HSPA2: variants seen among roughly 807,000 people sequenced by gnomAD.
HSPA2 encodes heat shock-related 70 kDa protein 2.
HSPA2 carries 13 observed loss-of-function variants against 35.0 expected under a neutral mutation model. The ratio of observed to expected loss-of-function variants is 0.37; its 90% CI spans 0.24 to 0.59. HSPA2 has a LOEUF of 0.59. Among genes scored for constraint, HSPA2 ranks in the 20% least tolerant of loss-of-function variants. The pLI, the probability that HSPA2 is intolerant of heterozygous loss-of-function variation, is 0.70. For missense variants in HSPA2, 565 were observed against 885.4 expected, an observed-to-expected ratio of 0.64 and a Z score of 4.59; for synonymous variants, 368 against 382.1, an observed-to-expected ratio of 0.96 and a Z score of 0.43.
Position 64,542,332 on chromosome 14 carries a change from G to A in HSPA2, c.1483G>A (p.Asp495Asn), listed in dbSNP as rs1251874092. ...TGGCATCCTTAACGTTACCGCCGCC[G>A]ACAAGAGCACCGGTAAGGAAAACAA... ...ANGILNVTAA[D>N]KSTGKENKIT... Residue 495 changes from aspartate (D) to asparagine (N), a missense_variant, in exon 1 of 1, where the codon GAC (aspartate) becomes AAC (asparagine). This residue lies in a region of HSPA2 where 234 missense variants were observed against 419.0 expected (regional missense o/e 0.56). Coordinates refer to ENST00000247207, the MANE Select transcript of HSPA2 (RefSeq NM_021979.4). This position sits in a 1 kb window ranked among gnomAD's most constrained non-coding sequence, Gnocchi z 5.7. 1.1e-5 allele frequency: 17 copies of A among 1,613,788 alleles called. No individual in the cohort carries two copies. The highest frequency in any genetic ancestry group is 1.4e-5 in the Non-Finnish European group (17 of 1,180,014).
chr14:64,540,552 GTC>G, upstream of HSPA2: 1 of 454,902 alleles, frequency 2.2e-6, no homozygotes, highest in Non-Finnish European at 3.9e-6. Flanking sequence ...CCGCCCCTCT[GTC>G]TCCTGGCGGG....
Position 64,542,933 on chromosome 14 carries a change from G to C in HSPA2, c.*164G>C. 1 of 1,216,824 alleles carries C rather than the reference G, an allele frequency of 8.2e-7. No individual in the cohort carries two copies. Among genetic ancestry groups the C allele is most frequent in the South Asian group, 1.7e-5 (1 of 59,854 alleles). 75.4% of individuals were successfully genotyped at this position (1,216,824 alleles called of 1,614,324 possible). On this transcript the variant is annotated 3_prime_UTR_variant, in exon 1 of 1. Transcript: ENST00000247207. This position sits in a 1 kb window ranked among gnomAD's most constrained non-coding sequence, Gnocchi z 5.7. ...GCAACAACTTAGTTTAATTATAAAA[G>C]TTCCAAAGTTTGTTTTTTAAAAACA...
At chr14:64,540,456 G>A, upstream of HSPA2, 1 of 251,212 alleles carries the variant, frequency 4.0e-6, no homozygotes, top group Non-Finnish European at 7.7e-6. Flanking sequence ...GGGAGCGCGC[G>A]CCTAACGCCA....
chr14:64,542,909 C>A lies in HSPA2; in HGVS notation c.*140C>A. ...GTATATGCAAATGAAAGGAGAGGTG[C>A]AACAACTTAGTTTAATTATAAAAGT... On this transcript the variant is annotated 3_prime_UTR_variant, in exon 1 of 1. Transcript: ENST00000247207. This position sits in a 1 kb window ranked among gnomAD's most constrained non-coding sequence, Gnocchi z 5.7. 7.7e-7 allele frequency: 1 copy of A among 1,298,710 alleles called. No homozygotes were observed. Among genetic ancestry groups the A allele is most frequent in the Non-Finnish European group, 1.0e-6 (1 of 964,888 alleles). The allele number at this position is 1,298,710 out of a possible 1,614,324, so 80.4% of individuals were successfully genotyped here. A position where few individuals can be genotyped will look rare whatever the true frequency, so the allele number is the denominator to read the frequency against.
chr14:64,536,963 C>G (rs2079984315), upstream of HSPA2, among the ~76,000 whole-genome samples: 1 of 152,140 alleles, frequency 6.6e-6, no homozygotes, highest in Non-Finnish European at 1.5e-5. Flanking sequence ...TTTGTAATAT[C>G]TGGGCACAGA....
At position 64,541,880 on chromosome 14, in the gene HSPA2, C is replaced by T. The variant is rs139125746; in HGVS notation, c.1031C>T (p.Thr344Ile). ...GAGATCGTGCTGGTGGGCGGCTCCACTCGTATCCCCAAGATCCAGAAGCTG... is the reference window on the plus strand; with the variant it reads ...GAGATCGTGCTGGTGGGCGGCTCCATTCGTATCCCCAAGATCCAGAAGCTG... Reference protein sequence around the residue: ...IQEIVLVGGSTRIPKIQKLLQ... With the variant: ...IQEIVLVGGSIRIPKIQKLLQ... Residue 344 changes from threonine to isoleucine, a missense_variant, in exon 1 of 1, where the codon ACT becomes ATT. This residue lies in a region of HSPA2 where 234 missense variants were observed against 419.0 expected (regional missense o/e 0.56). Transcript: ENST00000247207. 5.6e-6 allele frequency: 9 copies of T among 1,613,506 alleles called. No homozygotes were observed. The African/African-American group carries it at 1.2e-4, about 22-fold the overall frequency.
At chr14:64,539,348 G>A (rs988903319), upstream of HSPA2, among the ~76,000 whole-genome samples, 1 of 152,128 alleles carries the variant, frequency 6.6e-6, no homozygotes, top group African/African-American at 2.4e-5. Flanking sequence ...GTGTGCCAGG[G>A]TGACCGAGAC....
upstream of HSPA2, among the ~76,000 whole-genome samples, chr14:64,538,642 G>A (rs1194227615): frequency 6.6e-6 from 1 of 152,162 alleles, no homozygotes; most frequent in East Asian, 1.9e-4. Flanking sequence ...GTGTTCCCAT[G>A]GCGCTTTGCT....
upstream of HSPA2, chr14:64,540,716 A>C: frequency 2.2e-6 from 3 of 1,369,150 alleles, no homozygotes; most frequent in Non-Finnish European, 2.9e-6. Context: ...CGGCTATAAG[A>C]ACCGGGAACT....
Position 64,542,179 on chromosome 14 carries a change from C to G in HSPA2, c.1330C>G (p.Gln444Glu), listed in dbSNP as rs200634473. The change falls in exon 1 of 1, where the codon CAG becomes GAG. Residue 444 changes from glutamine (Q) to glutamate (E), a missense_variant. Gln to Glu is a conservative substitution (Grantham distance 29, BLOSUM62 2). This residue lies in a region of HSPA2 where 234 missense variants were observed against 419.0 expected (regional missense o/e 0.56). Coordinates refer to ENST00000247207, the MANE Select transcript of HSPA2 (RefSeq NM_021979.4). This position sits in a 1 kb window ranked among gnomAD's most constrained non-coding sequence, Gnocchi z 5.7. ...GGACAACCAGAGCAGCGTACTGGTG[C>G]AGGTATACGAGGGCGAACGGGCCAT... ...YSDNQSSVLVQVYEGERAMTK... is the reference protein window; with the variant it reads ...YSDNQSSVLVEVYEGERAMTK... 6.2e-7 allele frequency: 1 copy of G among 1,613,870 alleles called. No homozygotes were observed. The highest frequency in any genetic ancestry group is 8.5e-7 in the Non-Finnish European group (1 of 1,180,034).
upstream of HSPA2, among the ~76,000 whole-genome samples, chr14:64,536,311 C>T (rs2079980546): frequency 1.3e-5 from 2 of 152,242 alleles, no homozygotes; most frequent in South Asian, 4.1e-4. Flanking sequence ...TATGCATGTA[C>T]TATAATTTAG....
rs752280091 is a variant in HSPA2, at chr14:64,542,058, G to A, written c.1209G>A (p.Ser403=). Residue 403 remains serine (S), a synonymous_variant, in exon 1 of 1, where the codon TCG becomes TCA. Transcript: ENST00000247207. This position sits in a 1 kb window ranked among gnomAD's most constrained non-coding sequence, Gnocchi z 5.7. ...DLLLLDVTPL[S]LGIETAGGVM... ...TGCTACTCGACGTGACCCCGTTGTC[G>A]CTGGGCATCGAGACAGCTGGCGGTG... is the stretch of plus-strand genomic sequence containing the variant. 1.5e-5 allele frequency: 25 copies of A among 1,613,666 alleles called. No homozygotes were observed. The South Asian group carries it at 2.5e-4, about 16-fold the overall frequency.
upstream of HSPA2, among the ~76,000 whole-genome samples, chr14:64,536,515 CTT>C (rs1476890738): frequency 1.3e-5 from 2 of 152,162 alleles, no homozygotes; most frequent in Admixed American, 6.5e-5. Flanking sequence ...AATCCCAGCA[CTT>C]TGGGAGGCTG....
At chr14:64,538,864 G>A (rs2080000352), upstream of HSPA2, among the ~76,000 whole-genome samples, 1 of 152,210 alleles carries the variant, frequency 6.6e-6, no homozygotes, top group Non-Finnish European at 1.5e-5. Flanking sequence ...TTGAGACGGA[G>A]TCTCGTTCTG....
upstream of HSPA2, among the ~76,000 whole-genome samples, chr14:64,539,806 C>G (rs1051679477): frequency 2.0e-5 from 3 of 152,172 alleles, no homozygotes; most frequent in African/African-American, 7.2e-5. Flanking sequence ...CTCAGCCTCC[C>G]GAGTAGCTGA....
At position 64,541,050 on chromosome 14, in the gene HSPA2, C is replaced by T. The variant is rs781100084; in HGVS notation, c.201C>T (p.Thr67=). The T allele has an allele frequency of 2.7e-5, 44 of 1,614,222 alleles. No individual in the cohort carries two copies. The highest frequency in any genetic ancestry group is 3.7e-5 in the Non-Finnish European group (44 of 1,180,046). Residue 67 remains threonine (T), a synonymous_variant, in exon 1 of 1, where the codon ACC becomes ACT. Coordinates refer to ENST00000247207, the MANE Select transcript of HSPA2 (RefSeq NM_021979.4). ...KNQVAMNPTN[T]IFDAKRLIGR... is the part of the protein sequence containing the mutation. ...AGGTGGCCATGAACCCCACCAACAC[C>T]ATCTTCGACGCCAAGAGGCTGATTG... is the stretch of plus-strand genomic sequence containing the variant.
At chr14:64,538,485 T>A (rs902012473), upstream of HSPA2, among the ~76,000 whole-genome samples, 4 of 152,202 alleles carry the variant, frequency 2.6e-5, no homozygotes, top group Non-Finnish European at 5.9e-5. Context: ...CAGCAAACAT[T>A]GCTCTCATCT....
rs1325245844 is a variant in HSPA2 at position 64,542,516 on chromosome 14, TG to T, written c.1669del (p.Glu557LysfsTer5). On this transcript the variant is annotated frameshift_variant, in exon 1 of 1. Transcript: ENST00000247207. LOFTEE classifies it high-confidence loss of function. This position sits in a 1 kb window ranked among gnomAD's most constrained non-coding sequence, Gnocchi z 5.7. ...TATACCTACAACATCAAGCAGACGG[TG>T]GAAGACGAGAAACTGAGGGGCAAGA... ...ESYTYNIKQT[V>X]EDEKLRGKIS... 1 of 1,613,070 alleles carries T rather than the reference TG, an allele frequency of 6.2e-7. No individual in the cohort carries two copies. The highest frequency in any genetic ancestry group is 2.2e-5 in the East Asian group (1 of 44,788).
chr14:64,538,132 G>T (rs2079993575), upstream of HSPA2, among the ~76,000 whole-genome samples: 1 of 152,126 alleles, frequency 6.6e-6, no homozygotes, highest in Admixed American at 6.5e-5. Flanking sequence ...GACATTAACC[G>T]ATTAATAACC....
Sources: gnomAD v4.1 joint callset for allele counts (sites outside exome capture counted in the v4.1 genomes callset) on GRCh38, gnomAD v4.1.1 for gene constraint, gnomAD v4.1.1 regional missense constraint, Gnocchi (gnomAD v3.1) non-coding constraint, MANE v1.5 for transcripts, NCBI Gene and HGNC (gene_info 2026-07-23, HGNC 2026-07-21) for gene names.